The following SOX5 variants were observed in gnomAD, a reference collection of about 807,000 sequenced individuals.
The protein encoded by SOX5 is SRY-box transcription factor 5, also known as transcription factor SOX-5.
In SOX5, 9 loss-of-function variants were observed where a neutral mutation model predicts 92.0. That is an observed-to-expected ratio of 0.10 (90% CI 0.06 to 0.17). The LOEUF (loss-of-function observed/expected upper bound fraction) is 0.17. Ranked by LOEUF, SOX5 falls within the 10% of genes least tolerant of loss-of-function variation. The pLI, the probability that SOX5 is intolerant of heterozygous loss-of-function variation, is 1.00. For synonymous variants in SOX5, 344 were observed against 336.3 expected, an observed-to-expected ratio of 1.02 and a Z score of -0.25; for missense variants, 642 against 944.5, an observed-to-expected ratio of 0.68 and a Z score of 4.20.
At chr12:24,353,785 C>T (rs113090734) in intron 2 of SOX5, among the ~76,000 whole-genome samples, 8 of 152,176 alleles carry the variant, frequency 5.3e-5, no homozygotes, top group East Asian at 3.9e-4. Context: ...GGATTACAGG[C>T]GCCCGCCACC....
intron 1 of SOX5, among the ~76,000 whole-genome samples, chr12:23,924,321 A>G (rs191167648): frequency 1.3e-5 from 2 of 152,152 alleles, no homozygotes; most frequent in South Asian, 2.1e-4. Context: ...TGTTGTAGCA[A>G]TTCTTCCTGC....
intron 1 of SOX5, among the ~76,000 whole-genome samples, chr12:24,464,991 T>C (rs942275984): frequency 6.6e-6 from 1 of 152,230 alleles, no homozygotes; most frequent in African/African-American, 2.4e-5. Context: ...ATAGTGATGC[T>C]GAGAGAATGG....
At chr12:24,276,248 G>A (rs1265418904) in intron 3 of SOX5, among the ~76,000 whole-genome samples, 1 of 152,042 alleles carries the variant, frequency 6.6e-6, no homozygotes, top group African/African-American at 2.4e-5. Context: ...GTGAATATAT[G>A]AAGCCTGAGT....
chr12:24,167,320 ATTTAAG>A (rs1472650771), intron 4 of SOX5, among the ~76,000 whole-genome samples: 1 of 152,224 alleles, frequency 6.6e-6, no homozygotes, highest in Non-Finnish European at 1.5e-5. Context: ...AAGGATTGTT[ATTTAAG>A]TTTGTTTAAC....
intron 1 of SOX5, among the ~76,000 whole-genome samples, chr12:24,424,534 C>T (rs1966410049): frequency 6.6e-6 from 1 of 152,098 alleles, no homozygotes; most frequent in Non-Finnish European, 1.5e-5. Context: ...CAACCAACAG[C>T]TTGGGGGCAC....
intron 3 of SOX5, among the ~76,000 whole-genome samples, chr12:24,221,752 A>G (rs184866786): frequency 2.4e-4 from 37 of 152,364 alleles, no homozygotes; most frequent in Admixed American, 1.0e-3. Context: ...TGCTTTGGAG[A>G]CAAAAACAGT....
At chr12:23,781,591 T>C (rs893097177) in intron 3 of SOX5, among the ~76,000 whole-genome samples, 2 of 151,834 alleles carry the variant, frequency 1.3e-5, no homozygotes, top group Non-Finnish European at 2.9e-5. Flanking sequence ...ACTATTAAAA[T>C]AAATAACAAA....
intron 4 of SOX5, among the ~76,000 whole-genome samples, chr12:24,051,771 C>T (rs144638716): frequency 4.4e-3 from 673 of 152,228 alleles, no homozygotes; most frequent in Non-Finnish European, 7.1e-3. Context: ...GTTAATCCAA[C>T]TTCCCGTATT....
At chr12:24,004,709 AG>A (rs1457365653) in intron 4 of SOX5, among the ~76,000 whole-genome samples, 1 of 152,172 alleles carries the variant, frequency 6.6e-6, no homozygotes, top group East Asian at 1.9e-4. Context: ...ACAGTTTAGC[AG>A]TTTCATAAAC....
intron 1 of SOX5, among the ~76,000 whole-genome samples, chr12:24,472,825 G>C (rs778276074): frequency 1.2e-4 from 18 of 151,684 alleles, no homozygotes; most frequent in Non-Finnish European, 1.9e-4. Context: ...ATGTTATCTA[G>C]GATGTAAAGT....
chr12:23,865,396 C>T (rs2096799663), intron 2 of SOX5, among the ~76,000 whole-genome samples: 1 of 152,108 alleles, frequency 6.6e-6, no homozygotes, highest in Admixed American at 6.5e-5. Flanking sequence ...CATTTTGGGG[C>T]CAAGCACGGT....
intron 6 of SOX5, among the ~76,000 whole-genome samples, chr12:23,672,329 A>G (rs1037017393): frequency 5.3e-5 from 8 of 152,184 alleles, no homozygotes; most frequent in African/African-American, 1.9e-4. Context: ...GAAGCAAAAT[A>G]TTGCATTGAA....
intron 3 of SOX5, among the ~76,000 whole-genome samples, chr12:24,220,958 G>A (rs912553241): frequency 6.6e-6 from 1 of 152,138 alleles, no homozygotes; most frequent in African/African-American, 2.4e-5. Flanking sequence ...ATCTACACTG[G>A]TTTTTGATTT....
intron 2 of SOX5, among the ~76,000 whole-genome samples, chr12:24,307,013 G>T (rs903590076): frequency 6.6e-6 from 1 of 152,040 alleles, no homozygotes; most frequent in Non-Finnish European, 1.5e-5. Context: ...CAGGAAGATC[G>T]CTTGAGCTCA....
At chr12:23,766,901 A>G (rs947514781) in intron 3 of SOX5, among the ~76,000 whole-genome samples, 5 of 152,190 alleles carry the variant, frequency 3.3e-5, no homozygotes, top group Admixed American at 3.3e-4. Flanking sequence ...AAGATTTTGC[A>G]TAACTCTTAA....
At chr12:24,309,047 T>C (rs1216094629) in intron 2 of SOX5, among the ~76,000 whole-genome samples, 1 of 152,156 alleles carries the variant, frequency 6.6e-6, no homozygotes, top group Admixed American at 6.5e-5. Flanking sequence ...AATTCATACA[T>C]CCCTCCTCCA....
chr12:24,426,317 G>T (rs947786417), intron 1 of SOX5, among the ~76,000 whole-genome samples: 2 of 151,974 alleles, frequency 1.3e-5, no homozygotes, highest in African/African-American at 2.4e-5. Flanking sequence ...TCGGGGGGTG[G>T]GGACCTGGGG....
At chr12:24,232,514 G>A (rs1963605855) in intron 3 of SOX5, among the ~76,000 whole-genome samples, 1 of 152,184 alleles carries the variant, frequency 6.6e-6, no homozygotes, top group South Asian at 2.1e-4. Context: ...AGACAAGGAA[G>A]AATCCTTCAA....
upstream of SOX5, chr12:23,950,794 G>T: frequency 7.3e-7 from 1 of 1,375,318 alleles, no homozygotes; most frequent in Middle Eastern, 1.7e-4. Context: ...TCTGGCAGCC[G>T]AGAAAGGTAA....
Sources: gnomAD v4.1 joint callset for allele counts (sites outside exome capture counted in the v4.1 genomes callset) on GRCh38, gnomAD v4.1.1 for gene constraint, MANE v1.5 for transcripts, NCBI Gene and HGNC (gene_info 2026-07-23, HGNC 2026-07-21) for gene names.